NBEAL2: variants seen among roughly 807,000 people sequenced by gnomAD.
NBEAL2 encodes neurobeachin-like protein 2.
NBEAL2 carries 160 observed loss-of-function variants against 299.8 expected under a neutral mutation model. The ratio of observed to expected loss-of-function variants is 0.53; its 90% CI spans 0.47 to 0.61. The LOEUF is 0.61. Ranked by LOEUF, NBEAL2 falls within the 20% of genes least tolerant of loss-of-function variation. The pLI, the probability that NBEAL2 is intolerant of heterozygous loss-of-function variation, is 0.00. For synonymous variants in NBEAL2, 1,493 were observed against 1,542.3 expected (o/e 0.97, Z 0.75); for missense variants, 3,112 against 3,649.0 (o/e 0.85, Z 3.79).
At chr3:46,987,647 G>T (rs1417534985) in intron 1 of NBEAL2, among the ~76,000 whole-genome samples, 1 of 152,218 alleles carries the variant, frequency 6.6e-6, no homozygotes, top group East Asian at 1.9e-4. Flanking sequence ...GTGGCCTGAG[G>T]CCTTGCGCGC....
At position 47,001,331 on chromosome 3, in the gene NBEAL2, G is replaced by A. The variant is rs367809683; in HGVS notation, c.4537G>A (p.Val1513Met). The change falls in exon 29 of 54, where the codon GTG becomes ATG. Residue 1513 changes from valine (V) to methionine (M), a missense_variant. By Grantham distance (21) the Val-to-Met change is conservative. This residue lies in a region of NBEAL2 where 2,243 missense variants were observed against 2,538.1 expected (regional missense o/e 0.88). Transcript: ENST00000450053. The surrounding 1 kb of genome is among the most constrained non-coding windows in gnomAD (Gnocchi z 6.1). ...SALTDIKEAP[V>M]GVLASLTQQA... ...CCTGACCGACATCAAAGAGGCCCCCGTGGGGGTCCTGGCCAGCCTCACCCA... is the reference window on the plus strand; with the variant it reads ...CCTGACCGACATCAAAGAGGCCCCCATGGGGGTCCTGGCCAGCCTCACCCA... 49 of 1,612,980 alleles carry A rather than the reference G, an allele frequency of 3.0e-5. No individual in the cohort carries two copies. Among genetic ancestry groups the A allele is most frequent in the African/African-American group, 8.0e-5 (6 of 74,930 alleles).
At position 47,008,652 on chromosome 3, in the gene NBEAL2, A is replaced by T; in HGVS notation, c.8011A>T (p.Ile2671Phe). ...LLGTAQCALH[I>F]LQLNTLLPAA... ...GGGCACCGCCCAGTGCGCCCTGCAC[A>T]TCCTCCAACTAAACACGTAAGCCCC... Residue 2671 changes from isoleucine (I) to phenylalanine (F), a missense_variant, in exon 52 of 54, where the codon ATC (isoleucine) becomes TTC (phenylalanine). Coordinates refer to ENST00000450053, the MANE Select transcript of NBEAL2 (RefSeq NM_015175.3). 1 of 1,613,306 alleles carries T rather than the reference A, an allele frequency of 6.2e-7. No homozygotes were observed. The highest frequency in any genetic ancestry group is 8.5e-7 in the Non-Finnish European group (1 of 1,179,864).
At position 47,007,867 on chromosome 3, in the gene NBEAL2, G is replaced by C. The variant is rs2037574717; in HGVS notation, c.7559G>C (p.Gly2520Ala). Reference protein sequence around the residue: ...LDTCGIYLISGSRDTTCMVWR... With the variant: ...LDTCGIYLISASRDTTCMVWR... ...ACCTGTGGCATCTACCTCATCTCAG[G>C]CTCCCGGGACACCACGTGCATGGTG... The change falls in exon 49 of 54, where the codon GGC (glycine) becomes GCC (alanine). Residue 2520 changes from glycine to alanine, a missense_variant. Coordinates refer to ENST00000450053, the MANE Select transcript of NBEAL2 (RefSeq NM_015175.3). 6.2e-7 allele frequency: 1 copy of C among 1,613,618 alleles called. No individual in the cohort carries two copies. Among genetic ancestry groups the C allele is most frequent in the East Asian group, 2.2e-5 (1 of 44,884 alleles).
intron 24 of NBEAL2, 62 bp from the exon 25 acceptor site, chr3:46,999,253 G>GACTTCCCCTCCTACAGTA (rs1444800846): frequency 7.0e-6 from 11 of 1,561,366 alleles, no homozygotes; most frequent in Non-Finnish European, 9.6e-6. Flanking sequence ...CCTGCACGGT[G>GACTTCCCCTCCTACAGTA]ACTTCCCCTC....
intron 12 of NBEAL2, among the ~76,000 whole-genome samples, chr3:46,994,799 C>T (rs2107335013): frequency 6.6e-6 from 1 of 152,304 alleles, no homozygotes; most frequent in Middle Eastern, 3.4e-3. Flanking sequence ...AGGGGTTAGG[C>T]CAACCCAGGC....
chr3:46,995,596 G>T lies in NBEAL2; in HGVS notation c.1861G>T (p.Ala621Ser). The T allele has an allele frequency of 6.2e-7, 1 of 1,612,218 alleles. No individual in the cohort carries two copies. The highest frequency in any genetic ancestry group is 8.5e-7 in the Non-Finnish European group (1 of 1,179,508). Residue 621 changes from alanine (A) to serine (S), a missense_variant, in exon 13 of 54, where the codon GCC becomes TCC. This residue lies in a region of NBEAL2 where 2,243 missense variants were observed against 2,538.1 expected (regional missense o/e 0.88). Transcript: ENST00000450053. ...LHPMDTAPTPAPTRPLQRKQL... is the reference protein window; with the variant it reads ...LHPMDTAPTPSPTRPLQRKQL... ...CCCTATGGATACAGCACCTACCCCTGCCCCCACCCGACCACTCCAGCGAAA... is the reference window on the plus strand; with the variant it reads ...CCCTATGGATACAGCACCTACCCCTTCCCCCACCCGACCACTCCAGCGAAA...
At position 47,007,117 on chromosome 3, in the gene NBEAL2, C is replaced by A. The variant is rs746437643; in HGVS notation, c.7186C>A (p.Pro2396Thr). The A allele has an allele frequency of 6.2e-7, 1 of 1,613,588 alleles. No individual in the cohort carries two copies. Among genetic ancestry groups the A allele is most frequent in the African/African-American group, 1.3e-5 (1 of 74,902 alleles). Residue 2396 changes from proline to threonine, a missense_variant, in exon 46 of 54, where the codon CCC becomes ACC. By Grantham distance (38) the Pro-to-Thr change is conservative (BLOSUM62 -1). Transcript: ENST00000450053. ...LVLALVPHRQ[P>T]HSFITQGSPD... ...GCTAGCCCTGGTCCCCCACCGGCAG[C>A]CCCACTCCTTCATCACCCAGGGTTC...
intron 15 of NBEAL2, 65 bp from the exon 16 acceptor site, chr3:46,996,206 C>G: frequency 3.1e-6 from 5 of 1,588,974 alleles, no homozygotes; most frequent in Non-Finnish European, 4.3e-6. Context: ...CTGTGAGGAA[C>G]TGGTTGTAGG....
In NBEAL2 at chr3:47,003,154, G is replaced by C. The variant is rs554435946; in HGVS notation, c.5585-20G>C. On this transcript the variant is annotated intron_variant, in intron 34 of 53. Coordinates refer to ENST00000450053, the MANE Select transcript of NBEAL2 (RefSeq NM_015175.3). This position sits in a 1 kb window ranked among gnomAD's most constrained non-coding sequence, Gnocchi z 7.0. ...TCCTGTCCTGCCTTGCTTCTGCTGA[G>C]TACCCTTGGCCCCTTGCAGGTGAGG... 1.2e-6 allele frequency: 2 copies of C among 1,607,128 alleles called. No individual in the cohort carries two copies. The highest frequency in any genetic ancestry group is 4.5e-5 in the East Asian group (2 of 44,710).
rs1225188679 is a variant in NBEAL2, at chr3:47,001,821, C to A, written c.4777C>A (p.Pro1593Thr). The part of the protein sequence containing the change: ...LVLGYILLED[P>T]QLHAQAYVRL... ...ACTTGGCTACATCCTGCTGGAAGAC[C>A]CACAGGTGAGCACAGGGTGAGCATG... The change falls in exon 30 of 54, where the codon CCA becomes ACA. Residue 1593 changes from proline to threonine, a missense_variant. Physicochemically the swap from Pro to Thr is conservative, Grantham distance 38. Around this residue, in one of 3 missense-constraint regions of NBEAL2, gnomAD observed 2,243 missense variants for 2,538.1 expected, o/e 0.88. Coordinates refer to ENST00000450053, the MANE Select transcript of NBEAL2 (RefSeq NM_015175.3). This position sits in a 1 kb window ranked among gnomAD's most constrained non-coding sequence, Gnocchi z 6.1. 6.2e-7 allele frequency: 1 copy of A among 1,613,644 alleles called. No individual in the cohort carries two copies. Among genetic ancestry groups the A allele is most frequent in the Non-Finnish European group, 8.5e-7 (1 of 1,179,884 alleles).
rs1316111781 is a variant in NBEAL2 at position 46,991,275 on chromosome 3, C to T, written c.613C>T (p.Leu205Phe). 2.5e-6 allele frequency: 4 copies of T among 1,606,696 alleles called. No individual in the cohort carries two copies. Among genetic ancestry groups the T allele is most frequent in the Non-Finnish European group, 3.4e-6 (4 of 1,176,476 alleles). Residue 205 changes from leucine (L) to phenylalanine (F), a missense_variant, in exon 7 of 54, where the codon CTC (leucine) becomes TTC (phenylalanine). By Grantham distance (22) the Leu-to-Phe change is conservative (BLOSUM62 0). Coordinates refer to ENST00000450053, the MANE Select transcript of NBEAL2 (RefSeq NM_015175.3). The surrounding 1 kb of genome is among the most constrained non-coding windows in gnomAD (Gnocchi z 6.2). ...CATACTGCTGTTACGTCTCATCCAC[C>T]TCTTCTGCGCCGTCCTCGCTGGAGG... is the stretch of plus-strand genomic sequence containing the variant. ...PPILLLRLIH[L>F]FCAVLAGGKE...
intron 9 of NBEAL2, among the ~76,000 whole-genome samples, 164 bp downstream of exon 9, chr3:46,992,110 A>G (rs1273441086): frequency 3.3e-5 from 5 of 152,142 alleles, no homozygotes; most frequent in Admixed American, 1.3e-4. Flanking sequence ...GGCATGGACA[A>G]GGGCCCATCC....
Position 46,987,436 on chromosome 3 carries a change from C to G in NBEAL2, c.52-1233C>G, listed in dbSNP as rs77617373. On this transcript the variant is annotated intron_variant, in intron 1 of 53. Transcript: ENST00000450053. Reference sequence around the variant, plus strand: ...GGTTAGGAGCTCCATATGGGGCCAGCCTGGAGGAGCTCCTGTATAAGCCAC... The same window carrying G: ...GGTTAGGAGCTCCATATGGGGCCAGGCTGGAGGAGCTCCTGTATAAGCCAC... 2.2e-3 allele frequency among the ~76,000 whole-genome samples: 338 copies of G among 152,322 alleles called. 12 individuals carry two copies. In the East Asian group the frequency reaches 0.058, roughly 26 times the overall value.
Position 46,996,040 on chromosome 3 carries a change from T to A in NBEAL2, c.2140T>A (p.Ser714Thr). 6.2e-7 allele frequency: 1 copy of A among 1,606,680 alleles called. No individual in the cohort carries two copies. Among genetic ancestry groups the A allele is most frequent in the Non-Finnish European group, 8.5e-7 (1 of 1,176,742 alleles). Reference protein sequence around the residue: ...LVKTAPLRCPSLSEPFSSCCI... With the variant: ...LVKTAPLRCPTLSEPFSSCCI... ...CAAGACAGCACCCCTTCGCTGCCCCTCCCTCAGTGAGGTGTGCCAAGCAAG... is the reference window on the plus strand; with the variant it reads ...CAAGACAGCACCCCTTCGCTGCCCCACCCTCAGTGAGGTGTGCCAAGCAAG... Residue 714 changes from serine to threonine, a missense_variant, in exon 15 of 54, where the codon TCC (serine) becomes ACC (threonine). By Grantham distance (58) the Ser-to-Thr change is moderately conservative. Transcript: ENST00000450053.
In NBEAL2 at chr3:46,991,379, A is replaced by G; in HGVS notation, c.643-27A>G. 1 of 1,589,040 alleles carries G rather than the reference A, an allele frequency of 6.3e-7. No individual in the cohort carries two copies. On this transcript the variant is annotated intron_variant, in intron 7 of 53. Coordinates refer to ENST00000450053, the MANE Select transcript of NBEAL2 (RefSeq NM_015175.3). The surrounding 1 kb of genome is among the most constrained non-coding windows in gnomAD (Gnocchi z 6.2). The stretch of plus-strand genomic sequence containing the variant: ...TCTCTGCTGGGTGAGCCCCTTGCCC[A>G]CTGCCCATCTCTGTCCACACCTGCA...
At position 47,008,406 on chromosome 3, in the gene NBEAL2, G is replaced by A; in HGVS notation, c.7843G>A (p.Val2615Ile). The change falls in exon 51 of 54, where the codon GTA (valine) becomes ATA (isoleucine). Residue 2615 changes from valine (V) to isoleucine (I), a missense_variant. Transcript: ENST00000450053. ...ATTGGGGTCCGAAGGCCAGATTGTG[G>A]TACAGAGCTCAGCGTGGGAACGTCC... ...LALGSEGQIVVQSSAWERPGA... is the reference protein window; with the variant it reads ...LALGSEGQIVIQSSAWERPGA... The A allele has an allele frequency of 6.2e-7, 1 of 1,613,930 alleles. No individual in the cohort carries two copies. The highest frequency in any genetic ancestry group is 1.3e-5 in the African/African-American group (1 of 75,058).
Position 46,991,662 on chromosome 3 carries a change from T to C in NBEAL2, c.899T>C (p.Leu300Pro). 1 of 1,599,088 alleles carries C rather than the reference T, an allele frequency of 6.3e-7. No homozygotes were observed. The highest frequency in any genetic ancestry group is 2.2e-5 in the East Asian group (1 of 44,814). The change falls in exon 8 of 54, where the codon CTT (leucine) becomes CCT (proline). Residue 300 changes from leucine (L) to proline (P), a missense_variant. Around this residue, in one of 3 missense-constraint regions of NBEAL2, gnomAD observed 2,243 missense variants for 2,538.1 expected, o/e 0.88. Transcript: ENST00000450053. The surrounding 1 kb of genome is among the most constrained non-coding windows in gnomAD (Gnocchi z 6.2). ...AGLSSGPEEALVTLRVSMLDA... is the reference protein window; with the variant it reads ...AGLSSGPEEAPVTLRVSMLDA... ...CTGAGCTCAGGCCCCGAAGAGGCCC[T>C]TGTCACCCTCCGGGTCAGCATGCTC...
chr3:46,999,032 T>C lies in NBEAL2; in HGVS notation c.3458T>C (p.Leu1153Pro), dbSNP rs2036741525. Residue 1153 changes from leucine (L) to proline (P), a missense_variant, in exon 24 of 54, where the codon CTG (leucine) becomes CCG (proline). By Grantham distance (98) the Leu-to-Pro change is moderately conservative. Around this residue, in one of 3 missense-constraint regions of NBEAL2, gnomAD observed 2,243 missense variants for 2,538.1 expected, o/e 0.88. Transcript: ENST00000450053. Reference protein sequence around the residue: ...SLVQESLAVFLLEPGNLEVLL... With the variant: ...SLVQESLAVFPLEPGNLEVLL... ...GTGCAGGAGTCCTTGGCTGTCTTTCTGTTGGAGCCAGGGAACCTCGAAGTG... is the reference window on the plus strand; with the variant it reads ...GTGCAGGAGTCCTTGGCTGTCTTTCCGTTGGAGCCAGGGAACCTCGAAGTG... 1 of 1,602,864 alleles carries C rather than the reference T, an allele frequency of 6.2e-7. No homozygotes were observed. The highest frequency in any genetic ancestry group is 1.7e-5 in the Admixed American group (1 of 58,612).
chr3:46,998,783 G>C lies in NBEAL2; in HGVS notation c.3288G>C (p.Leu1096=). The C allele has an allele frequency of 6.4e-7, 1 of 1,568,272 alleles. No individual in the cohort carries two copies. The highest frequency in any genetic ancestry group is 8.6e-7 in the Non-Finnish European group (1 of 1,156,736). Residue 1096 remains leucine, a synonymous_variant, in exon 23 of 54, where the codon CTG becomes CTC. Coordinates refer to ENST00000450053, the MANE Select transcript of NBEAL2 (RefSeq NM_015175.3). The part of the protein sequence containing the change: ...LRTVQTSLLG[L]AREFLVRSLS... ...CCGTGCAGACCTCCCTCCTGGGCCT[G>C]GCGAGGGAGTTCCTGGTGCGGAGTC...
Sources: gnomAD v4.1 joint callset for allele counts (sites outside exome capture counted in the v4.1 genomes callset) on GRCh38, gnomAD v4.1.1 for gene constraint, gnomAD v4.1.1 regional missense constraint, Gnocchi (gnomAD v3.1) non-coding constraint, MANE v1.5 for transcripts, NCBI Gene and HGNC (gene_info 2026-07-23, HGNC 2026-07-21) for gene names.